TRPC7: variants seen among roughly 807,000 people sequenced by gnomAD.
The protein encoded by TRPC7 is transient receptor potential cation channel subfamily C member 7.
TRPC7 carries 42 observed loss-of-function variants against 90.1 expected under a neutral mutation model. The ratio of observed to expected loss-of-function variants is 0.47; its 90% CI spans 0.36 to 0.60. The LOEUF (loss-of-function observed/expected upper bound fraction) is 0.60, where lower values mean the gene tolerates loss of function less well. Among genes scored for constraint, TRPC7 ranks in the 20% least tolerant of loss-of-function variants. The probability of loss-of-function intolerance (pLI) is 0.00; values close to 1 mark genes in which losing one functional copy is unlikely to be tolerated. For synonymous variants in TRPC7, 451 were observed against 436.3 expected, an observed-to-expected ratio of 1.03 and a Z score of -0.42; for missense variants, 955 against 1,112.3, an observed-to-expected ratio of 0.86 and a Z score of 2.01.
chr5:136,310,194 G>A (rs1198777303), intron 3 of TRPC7, among the ~76,000 whole-genome samples: 2 of 152,064 alleles, frequency 1.3e-5, no homozygotes, highest in African/African-American at 2.4e-5. Context: ...CTTTGAACAT[G>A]TCCTTTCTAT....
At chr5:136,275,611 T>A (rs560010463) in intron 3 of TRPC7, among the ~76,000 whole-genome samples, 1 of 152,264 alleles carries the variant, frequency 6.6e-6, no homozygotes, top group Admixed American at 6.5e-5. Flanking sequence ...CTTCTCTCTC[T>A]TGGAACTGTT....
rs1456776366 is a variant in TRPC7 at position 136,315,888 on chromosome 5, A to G, written c.781-109T>C. 3.7e-6 allele frequency: 4 copies of G among 1,085,120 alleles called. No homozygotes were observed. The African/African-American group carries it at 4.7e-5, about 13-fold the overall frequency. 67.2% of individuals were successfully genotyped at this position (1,085,120 alleles called of 1,614,324 possible). On this transcript the variant is annotated intron_variant, in intron 2 of 11. Transcript: ENST00000513104. Reference sequence around the variant, plus strand: ...CTGCTCACCACATGTGACCTTATGGAGCACATTGGATGCACTTATGGAACG... The same window carrying G: ...CTGCTCACCACATGTGACCTTATGGGGCACATTGGATGCACTTATGGAACG...
chr5:136,252,479 T>TA, intron 5 of TRPC7, among the ~76,000 whole-genome samples: 1 of 152,206 alleles, frequency 6.6e-6, no homozygotes, highest in South Asian at 2.1e-4. Flanking sequence ...ATTTTAAAGA[T>TA]ATATGTCCTC....
At chr5:136,342,722 G>C (rs1045660140) in intron 2 of TRPC7, among the ~76,000 whole-genome samples, 2 of 152,192 alleles carry the variant, frequency 1.3e-5, no homozygotes, top group Non-Finnish European at 2.9e-5. Context: ...CAAAACATGG[G>C]AGGAATGCCA....
intron 4 of TRPC7, among the ~76,000 whole-genome samples, chr5:136,271,829 C>T (rs1390540735): frequency 6.6e-6 from 1 of 152,172 alleles, no homozygotes; most frequent in Non-Finnish European, 1.5e-5. Context: ...TCTGTTGACA[C>T]CTTTCACCTT....
intron 7 of TRPC7, among the ~76,000 whole-genome samples, chr5:136,233,570 C>T (rs1295140031): frequency 6.6e-6 from 1 of 152,202 alleles, no homozygotes; most frequent in East Asian, 1.9e-4. Context: ...AGAGTTGCTC[C>T]CTTCCTGGCA....
At chr5:136,302,487 A>G (rs1245319324) in intron 3 of TRPC7, among the ~76,000 whole-genome samples, 2 of 152,060 alleles carry the variant, frequency 1.3e-5, no homozygotes, top group Non-Finnish European at 2.9e-5. Context: ...TCTGGAGGGT[A>G]AGAACCCCTG....
chr5:136,344,353 G>A (rs1021676911), intron 2 of TRPC7, among the ~76,000 whole-genome samples: 3 of 152,128 alleles, frequency 2.0e-5, no homozygotes, highest in African/African-American at 7.2e-5. Context: ...CCTGTATGAT[G>A]AAATAAACTG....
intron 5 of TRPC7, among the ~76,000 whole-genome samples, chr5:136,261,633 C>T (rs1182975606): frequency 6.6e-6 from 1 of 152,234 alleles, no homozygotes; most frequent in Non-Finnish European, 1.5e-5. Flanking sequence ...TGGGCCAGCA[C>T]TCTCTTGGTT....
chr5:136,273,726 C>T (rs1757274657), intron 4 of TRPC7, among the ~76,000 whole-genome samples: 1 of 152,230 alleles, frequency 6.6e-6, no homozygotes, highest in Admixed American at 6.5e-5. Context: ...TCATATTTCT[C>T]CTACTGAATG....
intron 11 of TRPC7, among the ~76,000 whole-genome samples, chr5:136,215,516 C>T (rs1318860540): frequency 7.9e-5 from 12 of 152,138 alleles, no homozygotes; most frequent in Non-Finnish European, 1.6e-4. Context: ...AATTCAATCA[C>T]ATGAGTCCTT....
At chr5:136,280,449 A>C (rs889776768) in intron 3 of TRPC7, among the ~76,000 whole-genome samples, 35 of 152,186 alleles carry the variant, frequency 2.3e-4, no homozygotes, top group African/African-American at 8.4e-4. Context: ...ACTTCTGTTG[A>C]GTGATTGATA....
intron 3 of TRPC7, among the ~76,000 whole-genome samples, chr5:136,302,404 G>A (rs763066697): frequency 2.0e-4 from 30 of 152,172 alleles, no homozygotes; most frequent in African/African-American, 6.3e-4. Context: ...CACCCTTAGC[G>A]GCAAGTCCCG....
chr5:136,315,907 T>A (rs1265557715), intron 2 of TRPC7, 128 bp from the exon 3 acceptor site: 50 of 907,262 alleles, frequency 5.5e-5, no homozygotes, highest in Non-Finnish European at 8.0e-5. Context: ...GATGCACTTA[T>A]GGAACGCAGC....
At chr5:136,315,545 G>A (rs1758986318) in intron 3 of TRPC7, 52 bp downstream of exon 3, 1 of 1,589,486 alleles carries the variant, frequency 6.3e-7, no homozygotes, top group Non-Finnish European at 8.6e-7. Context: ...AAGGCCAGCA[G>A]CCCCGAGAAG....
intron 3 of TRPC7, among the ~76,000 whole-genome samples, chr5:136,291,559 C>T (rs371237798): frequency 7.9e-5 from 12 of 152,146 alleles, no homozygotes; most frequent in Middle Eastern, 3.4e-3. Flanking sequence ...CATTACGTAA[C>T]GGTAAAGGGA....
At chr5:136,275,999 C>T (rs796595269) in intron 3 of TRPC7, among the ~76,000 whole-genome samples, 4 of 152,124 alleles carry the variant, frequency 2.6e-5, no homozygotes, top group African/African-American at 9.7e-5. Context: ...TATTCATAAA[C>T]AAAATGTTTT....
At chr5:136,299,105 C>A (rs1443621102) in intron 3 of TRPC7, among the ~76,000 whole-genome samples, 4 of 151,950 alleles carry the variant, frequency 2.6e-5, no homozygotes, top group South Asian at 4.2e-4. Context: ...AGTTCGAGAC[C>A]AGCCTCACCA....
chr5:136,301,101 C>G (rs1342781844), intron 3 of TRPC7, among the ~76,000 whole-genome samples: 1 of 152,136 alleles, frequency 6.6e-6, no homozygotes, highest in Non-Finnish European at 1.5e-5. Flanking sequence ...ATGGTCTCAG[C>G]TCACTGCAAC....
Sources: gnomAD v4.1 joint callset for allele counts (sites outside exome capture counted in the v4.1 genomes callset) on GRCh38, gnomAD v4.1.1 for gene constraint, MANE v1.5 for transcripts, NCBI Gene and HGNC (gene_info 2026-07-23, HGNC 2026-07-21) for gene names.